GLS: variants seen among roughly 807,000 people sequenced by gnomAD.
GLS encodes the protein glutaminase, also known as glutaminase kidney isoform, mitochondrial.
A neutral mutation model predicts 86.7 loss-of-function variants in GLS; 36 were observed. The observed-to-expected ratio is 0.42, with a 90% CI of 0.32 to 0.55. GLS has a LOEUF of 0.55. GLS is among the 20% of genes least tolerant of loss of function. The pLI, the probability that GLS is intolerant of heterozygous loss-of-function variation, is 0.17. For synonymous variants in GLS, 317 were observed against 305.9 expected, an observed-to-expected ratio of 1.04 and a Z score of -0.38; for missense variants, 528 against 833.4, an observed-to-expected ratio of 0.63 and a Z score of 4.51.
chr2:190,909,908 T>A (rs1022251174), intron 6 of GLS, among the ~76,000 whole-genome samples: 3 of 152,054 alleles, frequency 2.0e-5, no homozygotes, highest in Non-Finnish European at 4.4e-5. Flanking sequence ...AGGTGTGGTA[T>A]GTGCCTGTGG....
intron 1 of GLS, among the ~76,000 whole-genome samples, chr2:190,892,539 G>C (rs1238420819): frequency 6.6e-6 from 1 of 152,072 alleles, no homozygotes; most frequent in East Asian, 1.9e-4. Context: ...AAAAGCTATA[G>C]TTTTTAGCTT....
chr2:190,904,897 G>T, intron 5 of GLS, 107 bp from the exon 6 acceptor site: 2 of 706,366 alleles, frequency 2.8e-6, no homozygotes, highest in African/African-American at 1.8e-5. Flanking sequence ...TTGAATTATG[G>T]GAAAATTTTT....
chr2:190,884,829 C>G (rs1013106650), intron 1 of GLS, among the ~76,000 whole-genome samples: 1 of 152,182 alleles, frequency 6.6e-6, no homozygotes, highest in Non-Finnish European at 1.5e-5. Flanking sequence ...TTCCCCTTCT[C>G]AGATTGGCAG....
rs1336710389 is a variant in GLS, at chr2:190,953,997, A to T, written c.1712+371A>T. Among the ~76,000 whole-genome samples the T allele has an allele frequency of 3.2e-5, 4 of 124,382 alleles. No individual in the cohort carries two copies. The highest frequency in any genetic ancestry group is 3.0e-4 in the East Asian group (1 of 3,376). 81.6% of individuals were successfully genotyped at this position (124,382 alleles called of 152,430 possible). ...GTGTGTGTGTGTGTGTGTGTGTGTG[A>T]AGCAGCTGGGGGGTTTGGTGTCTGG... On this transcript the variant is annotated intron_variant, in intron 15 of 17. Transcript: ENST00000320717. This position sits in a 1 kb window ranked among gnomAD's most constrained non-coding sequence, Gnocchi z 4.0.
chr2:190,898,303 A>T (rs1688818900), intron 3 of GLS, among the ~76,000 whole-genome samples: 1 of 152,252 alleles, frequency 6.6e-6, no homozygotes, highest in Non-Finnish European at 1.5e-5. Context: ...AAAGAAAATG[A>T]TTATTCCCGG....
Position 190,902,754 on chromosome 2 carries a change from T to C in GLS, c.815+728T>C, listed in dbSNP as rs112955882. Among the ~76,000 whole-genome samples the C allele has an allele frequency of 8.9e-3, 1,354 of 152,312 alleles. 31 individuals are homozygous for C. The highest frequency in any genetic ancestry group is 0.029 in the African/African-American group (1,220 of 41,564). On this transcript the variant is annotated intron_variant, in intron 5 of 17. Transcript: ENST00000320717. ...GATTGTTATCATCTTATAATTTGGT[T>C]TTATTAGAAAATTACGCCAAAGAGA...
intron 3 of GLS, among the ~76,000 whole-genome samples, chr2:190,899,490 A>G (rs1688865940): frequency 6.6e-6 from 1 of 152,116 alleles, no homozygotes; most frequent in African/African-American, 2.4e-5. Flanking sequence ...ATTTGGTTTC[A>G]TCTAGAACAA....
chr2:190,887,621 G>T (rs1166109333), intron 1 of GLS, among the ~76,000 whole-genome samples: 1 of 151,984 alleles, frequency 6.6e-6, no homozygotes, highest in African/African-American at 2.4e-5. Context: ...ATTCTTGATG[G>T]TAAACTTTCT....
intron 1 of GLS, among the ~76,000 whole-genome samples, chr2:190,893,601 T>C (rs1354170736): frequency 2.0e-5 from 3 of 152,210 alleles, no homozygotes; most frequent in Admixed American, 6.5e-5. Flanking sequence ...TGTATTTTTT[T>C]TGGAGACAGA....
intron 3 of GLS, among the ~76,000 whole-genome samples, chr2:190,898,793 G>C (rs902005169): frequency 4.6e-5 from 7 of 152,042 alleles, no homozygotes; most frequent in African/African-American, 7.2e-5. Context: ...CACCACGCCC[G>C]GCTAATTTTG....
In GLS at chr2:190,913,572, G is replaced by A. The variant is rs895024933; in HGVS notation, c.1038+3251G>A. ...GAAAGAACAAAAATAAATTTGAAAGGAACAGTTATTTTTATATGATGTAGC... is the reference window on the plus strand; with the variant it reads ...GAAAGAACAAAAATAAATTTGAAAGAAACAGTTATTTTTATATGATGTAGC... On this transcript the variant is annotated intron_variant, in intron 7 of 17. Transcript: ENST00000320717. This position sits in a 1 kb window ranked among gnomAD's most constrained non-coding sequence, Gnocchi z 6.1. 1 of 959,976 alleles carries A rather than the reference G, an allele frequency of 1.0e-6. No homozygotes were observed. Among genetic ancestry groups the A allele is most frequent in the African/African-American group, 1.8e-5 (1 of 56,614 alleles). 59.5% of individuals were successfully genotyped at this position (959,976 alleles called of 1,614,324 possible). A position where few individuals can be genotyped will look rare whatever the true frequency, so the allele number is the denominator to read the frequency against.
chr2:190,893,648 C>T (rs1237442912), intron 1 of GLS, among the ~76,000 whole-genome samples: 2 of 152,118 alleles, frequency 1.3e-5, no homozygotes, highest in Non-Finnish European at 2.9e-5. Flanking sequence ...TGTGGTGGCA[C>T]GATCTTGGCT....
In GLS at chr2:190,957,271, T is replaced by C. The variant is rs561328834; in HGVS notation, c.1853+2453T>C. Among the ~76,000 whole-genome samples the C allele has an allele frequency of 3.9e-5, 6 of 152,244 alleles. No homozygotes were observed. The South Asian group carries it at 1.0e-3, about 26-fold the overall frequency. Reference sequence around the variant, plus strand: ...CACAGCCAGCTAATTTTTGTATTTTTAGTAGAGATGGGGTTTCACCATGTT... The same window carrying C: ...CACAGCCAGCTAATTTTTGTATTTTCAGTAGAGATGGGGTTTCACCATGTT... On this transcript the variant is annotated intron_variant, in intron 17 of 17. Transcript: ENST00000320717.
At chr2:190,900,464 TTATC>T (rs1214013530) in intron 3 of GLS, 96 bp from the exon 4 acceptor site, 3 of 521,354 alleles carry the variant, frequency 5.8e-6, no homozygotes, top group African/African-American at 2.0e-5. Flanking sequence ...AATGATAAAT[TTATC>T]TATTATTTAA....
rs1434699876 is a variant in GLS, at chr2:190,895,146, C to G, written c.387-6C>G. On this transcript the variant is annotated splice_polypyrimidine_tract_variant and splice_region_variant and intron_variant, in intron 1 of 17. Coordinates refer to ENST00000320717, the MANE Select transcript of GLS (RefSeq NM_014905.5). This position sits in a 1 kb window ranked among gnomAD's most constrained non-coding sequence, Gnocchi z 4.2. ...GATTAATTTTGTGTTCTTTCTACCT[C>G]TTTAGTAAAATAAAACAGGGTCTGT... The G allele has an allele frequency of 1.6e-6, 2 of 1,285,630 alleles. No individual in the cohort carries two copies. Among genetic ancestry groups the G allele is most frequent in the Non-Finnish European group, 2.2e-6 (2 of 893,108 alleles). 79.6% of individuals were successfully genotyped at this position (1,285,630 alleles called of 1,614,324 possible).
Position 190,924,458 on chromosome 2 carries a change from G to T in GLS, c.1198-85G>T. Reference sequence around the variant, plus strand: ...TTATTAATTAAAATGAAACACTTGTGTACATTTGAAATTTTTCATATATTT... The same window carrying T: ...TTATTAATTAAAATGAAACACTTGTTTACATTTGAAATTTTTCATATATTT... On this transcript the variant is annotated intron_variant, in intron 10 of 17. Transcript: ENST00000320717. The surrounding 1 kb of genome is among the most constrained non-coding windows in gnomAD (Gnocchi z 5.2). 1 of 753,632 alleles carries T rather than the reference G, an allele frequency of 1.3e-6. No homozygotes were observed. Among genetic ancestry groups the T allele is most frequent in the East Asian group, 2.5e-5 (1 of 39,338 alleles). 46.7% of individuals were successfully genotyped at this position (753,632 alleles called of 1,614,324 possible). A position where few individuals can be genotyped will look rare whatever the true frequency, so the allele number is the denominator to read the frequency against.
At chr2:190,918,480 C>G (rs758981053) in intron 7 of GLS, among the ~76,000 whole-genome samples, 1 of 152,084 alleles carries the variant, frequency 6.6e-6, no homozygotes, top group Non-Finnish European at 1.5e-5. Context: ...TAGGCCTTGG[C>G]CTAAGGGAAA....
chr2:190,913,825 A>T lies in GLS; in HGVS notation c.1038+3504A>T. 1.4e-6 allele frequency: 1 copy of T among 698,982 alleles called. No homozygotes were observed. Among genetic ancestry groups the T allele is most frequent in the Non-Finnish European group, 1.8e-6 (1 of 568,774 alleles). The allele number at this position is 698,982 out of a possible 1,614,324, so 43.3% of individuals were successfully genotyped here. A position where few individuals can be genotyped will look rare whatever the true frequency, so the allele number is the denominator to read the frequency against. On this transcript the variant is annotated intron_variant, in intron 7 of 17. Transcript: ENST00000320717. The surrounding 1 kb of genome is among the most constrained non-coding windows in gnomAD (Gnocchi z 6.1). The stretch of plus-strand genomic sequence containing the variant: ...TTTTGTTTTTTGTTTTTTAGAGACA[A>T]GGTCTCTCTCTGTTGCCCAGTCTAA...
intron 14 of GLS, among the ~76,000 whole-genome samples, chr2:190,941,860 TAG>T (rs1424552024): frequency 1.3e-5 from 2 of 152,042 alleles, no homozygotes; most frequent in African/African-American, 4.8e-5. Context: ...TCAGAATTGT[TAG>T]AGTGTCTTAA....
Sources: allele counts gnomAD v4.1 joint callset (sites outside exome capture counted in the v4.1 genomes callset), GRCh38; gene constraint gnomAD v4.1.1; non-coding constraint Gnocchi (gnomAD v3.1); transcripts MANE v1.5; gene names NCBI Gene and HGNC (gene_info 2026-07-23, HGNC 2026-07-21).